The following ASAP2 variants were observed in gnomAD, a reference collection of about 807,000 sequenced individuals.
The protein encoded by ASAP2 is ArfGAP with SH3 domain, ankyrin repeat and PH domain 2.
Under a neutral mutation model 131.4 loss-of-function variants are expected in ASAP2, and 45 were observed. That is an observed-to-expected ratio of 0.34 (90% confidence interval 0.27 to 0.44). The LOEUF (loss-of-function observed/expected upper bound fraction) is 0.44. ASAP2 is among the 20% of genes least tolerant of loss of function. The pLI, the probability that ASAP2 is intolerant of heterozygous loss-of-function variation, is 1.00. For synonymous variants in ASAP2, 510 were observed against 503.0 expected, an observed-to-expected ratio of 1.01 and a Z score of -0.19; for missense variants, 1,011 against 1,297.0, an observed-to-expected ratio of 0.78 and a Z score of 3.39.
intron 2 of ASAP2, among the ~76,000 whole-genome samples, chr2:9,280,086 T>A (rs1217480045): frequency 6.6e-6 from 1 of 152,186 alleles, no homozygotes; most frequent in Non-Finnish European, 1.5e-5. Context: ...CCTGAGAGAC[T>A]GAAACAGGGC....
intron 23 of ASAP2, among the ~76,000 whole-genome samples, chr2:9,393,161 G>T (rs1675851496): frequency 6.6e-6 from 1 of 152,192 alleles, no homozygotes; most frequent in African/African-American, 2.4e-5. Context: ...CCGGCCTCCT[G>T]CTGTTGGGTC....
intron 1 of ASAP2, among the ~76,000 whole-genome samples, chr2:9,246,876 C>G (rs1008106403): frequency 1.3e-5 from 2 of 152,070 alleles, no homozygotes; most frequent in African/African-American, 2.4e-5. Flanking sequence ...GAGTCTTGCT[C>G]CATCATCAGG....
intron 1 of ASAP2, among the ~76,000 whole-genome samples, chr2:9,221,979 T>G (rs180890558): frequency 2.6e-5 from 4 of 152,092 alleles, no homozygotes; most frequent in Non-Finnish European, 5.9e-5. Flanking sequence ...TTTTTGTATT[T>G]TTAGCAGAGA....
intron 16 of ASAP2, 31 bp from the exon 17 acceptor site, chr2:9,374,724 T>G (rs1674255595): frequency 1.3e-6 from 2 of 1,562,194 alleles, no homozygotes; most frequent in Non-Finnish European, 1.7e-6. Context: ...AAGCCCTTCA[T>G]GATTTGCAAG....
At chr2:9,306,086 T>G (rs1668913890) in intron 3 of ASAP2, among the ~76,000 whole-genome samples, 1 of 90,064 alleles carries the variant, frequency 1.1e-5, no homozygotes, top group African/African-American at 4.8e-5. Flanking sequence ...GGGGTGGGGT[T>G]ATGGGGGTAG....
chr2:9,266,086 A>G (rs2148227385), intron 1 of ASAP2, among the ~76,000 whole-genome samples: 1 of 149,598 alleles, frequency 6.7e-6, no homozygotes, highest in East Asian at 2.0e-4. Flanking sequence ...CACCCAGCCC[A>G]TAAGCTTGTA....
intron 7 of ASAP2, among the ~76,000 whole-genome samples, chr2:9,331,756 A>ATT (rs79066860): frequency 2.2e-4 from 33 of 148,388 alleles, no homozygotes; most frequent in African/African-American, 6.9e-4. Context: ...CGACAGAGCG[A>ATT]TTTTTTTTTT....
chr2:9,351,368 T>C (rs572259347), intron 12 of ASAP2, among the ~76,000 whole-genome samples: 1 of 152,382 alleles, frequency 6.6e-6, no homozygotes, highest in African/African-American at 2.4e-5. Flanking sequence ...GAATAGTCTT[T>C]CTGCTTCTCT....
In ASAP2 at chr2:9,258,897, T is replaced by A. The variant is rs186306119; in HGVS notation, c.127-20420T>A. Reference sequence around the variant, plus strand: ...GCTTTTAGGACTCAGCATTTTAGAGTCTGTAGGTCCATGCTCCTGATTACA... The same window carrying A: ...GCTTTTAGGACTCAGCATTTTAGAGACTGTAGGTCCATGCTCCTGATTACA... On this transcript the variant is annotated intron_variant, in intron 1 of 27. Transcript: ENST00000281419. Among the ~76,000 whole-genome samples the A allele has an allele frequency of 5.3e-5, 8 of 152,252 alleles. No individual in the cohort carries two copies. In the East Asian group the frequency reaches 1.2e-3, roughly 22 times the overall value.
At chr2:9,266,565 GGTCTGGGT>G (rs977243604) in intron 1 of ASAP2, among the ~76,000 whole-genome samples, 21 of 152,124 alleles carry the variant, frequency 1.4e-4, no homozygotes, top group African/African-American at 5.1e-4. Flanking sequence ...GGGGCCTGCA[GGTCTGGGT>G]GCACCTTGTT....
chr2:9,360,134 G>A (rs948344308), intron 15 of ASAP2, among the ~76,000 whole-genome samples: 7 of 152,182 alleles, frequency 4.6e-5, no homozygotes, highest in African/African-American at 1.7e-4. Flanking sequence ...AGTAAACACT[G>A]GTGAACTATG....
intron 1 of ASAP2, among the ~76,000 whole-genome samples, chr2:9,267,611 T>G (rs1372170513): frequency 6.6e-6 from 1 of 152,102 alleles, no homozygotes; most frequent in Non-Finnish European, 1.5e-5. Context: ...AGAATGATTA[T>G]GAAGGCCACG....
At position 9,405,332 on chromosome 2, in the gene ASAP2, TTA is replaced by T. The variant is rs1166625983; in HGVS notation, c.*2007_*2008del. The T allele has an allele frequency of 6.6e-6, 1 of 152,582 alleles. No individual in the cohort carries two copies. Among genetic ancestry groups the T allele is most frequent in the East Asian group, 1.9e-4 (1 of 5,204 alleles). The allele number at this position is 152,582 out of a possible 1,614,324, so 9.5% of individuals were successfully genotyped here. ...GTAGATATCTATTTATATTTAAAGT[TTA>T]TGTTTCATGAACTGCAGCTGCAGGA... On this transcript the variant is annotated 3_prime_UTR_variant, in exon 28 of 28. Coordinates refer to ENST00000281419, the MANE Select transcript of ASAP2 (RefSeq NM_003887.3).
chr2:9,309,365 G>T (rs1669148804), intron 3 of ASAP2, among the ~76,000 whole-genome samples: 2 of 152,326 alleles, frequency 1.3e-5, no homozygotes, highest in South Asian at 4.1e-4. Context: ...AAATCATGAT[G>T]CAAGAAGCCA....
rs185097174 is a variant in ASAP2 at position 9,258,562 on chromosome 2, C to A, written c.127-20755C>A. ...GTAGGTGACAGTCTCCATGGTGCCC[C>A]CGCCGCCACACTCATCTTCTCATTT... On this transcript the variant is annotated intron_variant, in intron 1 of 27. Transcript: ENST00000281419. Among the ~76,000 whole-genome samples the A allele has an allele frequency of 2.0e-5, 3 of 152,198 alleles. No homozygotes were observed. The East Asian group carries it at 5.8e-4, about 29-fold the overall frequency.
At chr2:9,228,867 A>G (rs1257462994) in intron 1 of ASAP2, among the ~76,000 whole-genome samples, 1 of 152,222 alleles carries the variant, frequency 6.6e-6, no homozygotes, top group African/African-American at 2.4e-5. Context: ...TATTGTCACA[A>G]TAGTGAAGTG....
chr2:9,365,612 G>T (rs1673409132), intron 15 of ASAP2, among the ~76,000 whole-genome samples: 2 of 152,214 alleles, frequency 1.3e-5, no homozygotes, highest in Non-Finnish European at 2.9e-5. Flanking sequence ...TGTCCTGGGT[G>T]TGGCCATCAG....
intron 24 of ASAP2, 27 bp downstream of exon 24, chr2:9,393,674 A>G (rs1357777899): frequency 7.8e-6 from 12 of 1,545,226 alleles, no homozygotes; most frequent in Non-Finnish European, 1.0e-5. Flanking sequence ...CAGCTCGGCC[A>G]TCCGTGCTCC....
At chr2:9,250,726 G>A (rs1169071795) in intron 1 of ASAP2, among the ~76,000 whole-genome samples, 7 of 152,202 alleles carry the variant, frequency 4.6e-5, no homozygotes, top group East Asian at 1.9e-4. Context: ...AGGGTGGAGC[G>A]GAGGTGTCTC....
Sources: gnomAD v4.1 joint callset for allele counts (sites outside exome capture counted in the v4.1 genomes callset) on GRCh38, gnomAD v4.1.1 for gene constraint, MANE v1.5 for transcripts, NCBI Gene and HGNC (gene_info 2026-07-23, HGNC 2026-07-21) for gene names.